The following GLB1L3 variants were observed in gnomAD, a reference collection of about 807,000 sequenced individuals.
The protein encoded by GLB1L3 is galactosidase beta 1 like 3, also known as beta-galactosidase-1-like protein 3.
A neutral mutation model predicts 89.5 loss-of-function variants in GLB1L3; 89 were observed. The ratio of observed to expected loss-of-function variants is 0.99; its 90% CI spans 0.84 to 1.19. The LOEUF (loss-of-function observed/expected upper bound fraction) is 1.19. Ranked by LOEUF, GLB1L3 falls within the 50% of genes most tolerant of loss-of-function variation. The pLI is 0.00. For missense variants in GLB1L3, 812 were observed against 813.3 expected (o/e 1.00, Z 0.02); for synonymous variants, 314 against 312.3 (o/e 1.01, Z -0.06).
At chr11:134,321,960 A>G (rs1565427830), downstream of GLB1L3, among the ~76,000 whole-genome samples, 1 of 152,230 alleles carries the variant, frequency 6.6e-6, no homozygotes, top group Non-Finnish European at 1.5e-5. Flanking sequence ...AAGACAGTAG[A>G]ATAAATACAG....
In GLB1L3 at chr11:134,312,241, T is replaced by G. The variant is rs751719; in HGVS notation, c.1288-108T>G. The stretch of plus-strand genomic sequence containing the variant: ...GGCATCTGTTTCATCATTTCCCATT[T>G]GAAGAACCCTTGGGGACCATTAGGC... On this transcript the variant is annotated intron_variant, in intron 13 of 19. Coordinates refer to ENST00000431683, the MANE Select transcript of GLB1L3 (RefSeq NM_001080407.3). The G allele has an allele frequency of 4.7e-6, 6 of 1,263,544 alleles. No homozygotes were observed. In the South Asian group the frequency reaches 7.2e-5, roughly 15 times the overall value. The allele number at this position is 1,263,544 out of a possible 1,614,324, so 78.3% of individuals were successfully genotyped here.
intron 1 of GLB1L3, 116 bp from the exon 2 acceptor site, chr11:134,277,210 C>G (rs749496412): frequency 7.4e-7 from 1 of 1,342,504 alleles, no homozygotes; most frequent in South Asian, 1.2e-5. Flanking sequence ...CCGCCTGTGT[C>G]GCGGGCCCCC....
chr11:134,297,143 C>A (rs1008811914), intron 9 of GLB1L3, among the ~76,000 whole-genome samples: 1 of 152,138 alleles, frequency 6.6e-6, no homozygotes, highest in Non-Finnish European at 1.5e-5. Flanking sequence ...TGTATCATTA[C>A]GTAATATCCC....
chr11:134,278,532 C>G (rs1371214429), intron 3 of GLB1L3, among the ~76,000 whole-genome samples: 2 of 152,144 alleles, frequency 1.3e-5, no homozygotes. Context: ...GCAGTTCACC[C>G]TTTAAAAGGG....
chr11:134,286,700 C>T (rs1941011277), intron 6 of GLB1L3, among the ~76,000 whole-genome samples: 1 of 150,632 alleles, frequency 6.6e-6, no homozygotes, highest in African/African-American at 2.4e-5. Context: ...TGACGTGAAC[C>T]CGGGGGGCGG....
intron 9 of GLB1L3, among the ~76,000 whole-genome samples, chr11:134,297,919 A>C (rs1437142124): frequency 6.6e-6 from 1 of 150,790 alleles, no homozygotes; most frequent in Non-Finnish European, 1.5e-5. Flanking sequence ...ATAATTTAAA[A>C]ATTAACCTGA....
At position 134,284,493 on chromosome 11, in the gene GLB1L3, C is replaced by T. The variant is rs374022414; in HGVS notation, c.636+648C>T. ...CTATAATCCCAGCATTTTGGGAGGC[C>T]GAGGCAGGGGGGTCACCTGAGGTCA... On this transcript the variant is annotated intron_variant, in intron 6 of 19. Coordinates refer to ENST00000431683, the MANE Select transcript of GLB1L3 (RefSeq NM_001080407.3). Among the ~76,000 whole-genome samples, 18 of 152,118 alleles carry T rather than the reference C, an allele frequency of 1.2e-4. No individual in the cohort carries two copies. In the East Asian group the frequency reaches 2.5e-3, roughly 21 times the overall value.
downstream of GLB1L3, chr11:134,319,585 T>C (rs1316629313): frequency 6.6e-6 from 1 of 152,040 alleles, no homozygotes; most frequent in Non-Finnish European, 1.5e-5. Context: ...CCATACTCAA[T>C]TGAAGGGAAG....
chr11:134,277,212 CG>C (rs1940420017), intron 1 of GLB1L3, 113 bp from the exon 2 acceptor site: 1 of 1,361,098 alleles, frequency 7.3e-7, no homozygotes, highest in Non-Finnish European at 1.0e-6. Flanking sequence ...GCCTGTGTCG[CG>C]GGCCCCCTCC....
chr11:134,288,281 G>T lies in GLB1L3; in HGVS notation c.637-517G>T, dbSNP rs959045. The stretch of plus-strand genomic sequence containing the variant: ...CTTAATGAGGAGAGTGGGAAGAGGG[G>T]AACATTCCTGGGCCTCTGCCCCCAT... On this transcript the variant is annotated intron_variant, in intron 6 of 19. Transcript: ENST00000431683. Among the ~76,000 whole-genome samples, 1,007 of 152,266 alleles carry T rather than the reference G, an allele frequency of 6.6e-3. 14 individuals carry two copies. The highest frequency in any genetic ancestry group is 0.022 in the African/African-American group (895 of 41,562).
intron 14 of GLB1L3, 119 bp from the exon 15 acceptor site, chr11:134,312,697 C>T: frequency 1.0e-6 from 1 of 955,720 alleles, no homozygotes; most frequent in Non-Finnish European, 1.6e-6. Context: ...TTCATGCCAT[C>T]AGTGAGCACC....
At chr11:134,287,870 T>A (rs887665941) in intron 6 of GLB1L3, among the ~76,000 whole-genome samples, 1 of 152,186 alleles carries the variant, frequency 6.6e-6, no homozygotes. Flanking sequence ...ATGCCTCTTC[T>A]CCTTCCTTAG....
chr11:134,285,398 A>G (rs2136122471), intron 6 of GLB1L3, among the ~76,000 whole-genome samples: 1 of 152,310 alleles, frequency 6.6e-6, no homozygotes, highest in East Asian at 1.9e-4. Context: ...TTAAATTTAA[A>G]CAACATAACT....
intron 8 of GLB1L3, chr11:134,292,810 A>G (rs1941429102): frequency 4.6e-6 from 2 of 432,466 alleles, no homozygotes; most frequent in East Asian, 5.0e-5. Flanking sequence ...GGCTCTTCCA[A>G]GGAAGCCTGG....
chr11:134,296,402 T>C (rs1304524403), intron 9 of GLB1L3, among the ~76,000 whole-genome samples: 2 of 136,274 alleles, frequency 1.5e-5, no homozygotes, highest in African/African-American at 5.6e-5. Context: ...CGTATGTTTA[T>C]TGCAGCATTA....
At chr11:134,280,763 T>C (rs1940641694) in intron 3 of GLB1L3, among the ~76,000 whole-genome samples, 1 of 152,130 alleles carries the variant, frequency 6.6e-6, no homozygotes, top group South Asian at 2.1e-4. Context: ...CTGCACAAAA[T>C]TGTGTAATAA....
At chr11:134,319,928 C>T (rs1032266751), downstream of GLB1L3, among the ~76,000 whole-genome samples, 11 of 152,016 alleles carry the variant, frequency 7.2e-5, no homozygotes, top group African/African-American at 2.2e-4. Flanking sequence ...ACAAAGCTAG[C>T]GCAGGGTTCT....
chr11:134,281,412 G>T lies in GLB1L3; in HGVS notation c.398G>T (p.Gly133Val). ...TGGAACCTGCATGAGCCAGAAAGAG[G>T]CAAATTTGACTTCTCTGGGAACCTG... ...VPWNLHEPER[G>V]KFDFSGNLDL... Residue 133 changes from glycine (G) to valine (V), a missense_variant, in exon 4 of 20, where the codon GGC becomes GTC. Physicochemically the swap from Gly to Val is moderately radical, Grantham distance 109. Transcript: ENST00000431683. The T allele has an allele frequency of 6.2e-7, 1 of 1,614,090 alleles. No homozygotes were observed. The highest frequency in any genetic ancestry group is 8.5e-7 in the Non-Finnish European group (1 of 1,179,996).
At chr11:134,322,107 G>A (rs548536298), downstream of GLB1L3, among the ~76,000 whole-genome samples, 45 of 152,058 alleles carry the variant, frequency 3.0e-4, no homozygotes, top group Non-Finnish European at 4.9e-4. Context: ...TGCAATGATC[G>A]AAAGTCCAAG....
Sources: allele counts gnomAD v4.1 joint callset (sites outside exome capture counted in the v4.1 genomes callset), GRCh38; gene constraint gnomAD v4.1.1; transcripts MANE v1.5; gene names NCBI Gene and HGNC (gene_info 2026-07-23, HGNC 2026-07-21).